SEMA4A: variants seen among roughly 807,000 people sequenced by gnomAD.
SEMA4A encodes the protein semaphorin-4A.
A neutral mutation model predicts 72.5 loss-of-function variants in SEMA4A; 52 were observed. The ratio of observed to expected loss-of-function variants is 0.72; its 90% CI spans 0.57 to 0.90. The LOEUF (loss-of-function observed/expected upper bound fraction) is 0.90, where lower values mean the gene tolerates loss of function less well. Ranked by LOEUF, SEMA4A falls within the 40% of genes least tolerant of loss-of-function variation. SEMA4A has a pLI of 0.00. For synonymous variants in SEMA4A, 369 were observed against 393.1 expected, an observed-to-expected ratio of 0.94 and a Z score of 0.73; for missense variants, 926 against 959.7, an observed-to-expected ratio of 0.96 and a Z score of 0.46.
At chr1:156,151,464 C>A (rs1652525217), upstream of SEMA4A, among the ~76,000 whole-genome samples, 1 of 152,198 alleles carries the variant, frequency 6.6e-6, no homozygotes, top group Non-Finnish European at 1.5e-5. Flanking sequence ...GGGGGTGGTA[C>A]CTCACAGCCT....
intron 10 of SEMA4A, among the ~76,000 whole-genome samples, chr1:156,172,412 A>C (rs997047408): frequency 6.6e-6 from 1 of 152,248 alleles, no homozygotes; most frequent in Admixed American, 6.5e-5. Flanking sequence ...CACTGCGCCC[A>C]GCCATAAAAC....
intron 8 of SEMA4A, 156 bp downstream of exon 8, chr1:156,161,185 C>A (rs1184978821): frequency 9.6e-6 from 3 of 312,148 alleles, no homozygotes; most frequent in Admixed American, 7.2e-5. Flanking sequence ...CGGGGCTGGG[C>A]GGGTGGGGCG....
rs765918538 is a variant in SEMA4A, at chr1:156,174,818, A to G, written c.1316-4A>G. 1.2e-6 allele frequency: 2 copies of G among 1,614,200 alleles called. No individual in the cohort carries two copies. Among genetic ancestry groups the G allele is most frequent in the Admixed American group, 1.7e-5 (1 of 60,026 alleles). On this transcript the variant is annotated splice_region_variant and splice_polypyrimidine_tract_variant and intron_variant, in intron 11 of 14. Transcript: ENST00000368285. Reference sequence around the variant, plus strand: ...TGACTTCCACTCTCTCTGTCTCCCCATAGCCACAGGGTCGCTCCACAAGGC... The same window carrying G: ...TGACTTCCACTCTCTCTGTCTCCCCGTAGCCACAGGGTCGCTCCACAAGGC...
At chr1:156,155,076 C>A (rs1446370433) in intron 2 of SEMA4A, 4 of 328,700 alleles carry the variant, frequency 1.2e-5, no homozygotes, top group Non-Finnish European at 1.2e-5. Context: ...ACCCCAAAGT[C>A]AAGGCCCATG....
At chr1:156,156,674 T>TACAG in intron 3 of SEMA4A, 100 bp downstream of exon 3, 6 of 1,143,354 alleles carry the variant, frequency 5.2e-6, no homozygotes, top group Non-Finnish European at 7.8e-6. Flanking sequence ...TAGTTGCTGT[T>TACAG]ATCTGTAATC....
chr1:156,163,014 G>A lies in SEMA4A; in HGVS notation c.1054G>A (p.Gly352Arg). The part of the protein sequence containing the change: ...SLLDIERVFK[G>R]KYKELNKETS... The stretch of plus-strand genomic sequence containing the variant: ...CTTGGACATTGAACGTGTCTTTAAG[G>A]GGAAATACAAAGAGTTGAACAAAGA... The change falls in exon 10 of 15, where the codon GGG becomes AGG. Residue 352 changes from glycine (G) to arginine (R), a missense_variant. By Grantham distance (125) the Gly-to-Arg change is moderately radical. Transcript: ENST00000368285. The A allele has an allele frequency of 6.2e-7, 1 of 1,614,134 alleles. No homozygotes were observed. The highest frequency in any genetic ancestry group is 8.5e-7 in the Non-Finnish European group (1 of 1,180,026).
At position 156,163,030 on chromosome 1, in the gene SEMA4A, T is replaced by C. The variant is rs534529397; in HGVS notation, c.1070T>C (p.Leu357Ser). 2 of 1,614,130 alleles carry C rather than the reference T, an allele frequency of 1.2e-6. No homozygotes were observed. The highest frequency in any genetic ancestry group is 2.2e-5 in the East Asian group (1 of 44,880). Residue 357 changes from leucine to serine, a missense_variant, in exon 10 of 15, where the codon TTG becomes TCG. Physicochemically the swap from Leu to Ser is moderately radical, Grantham distance 145. Coordinates refer to ENST00000368285, the MANE Select transcript of SEMA4A (RefSeq NM_022367.4). Reference protein sequence around the residue: ...ERVFKGKYKELNKETSRWTTY... With the variant: ...ERVFKGKYKESNKETSRWTTY... ...GTCTTTAAGGGGAAATACAAAGAGT[T>C]GAACAAAGAAACTTCACGCTGGACT...
At position 156,156,416 on chromosome 1, in the gene SEMA4A, G is replaced by A; in HGVS notation, c.142G>A (p.Asp48Asn). The change falls in exon 3 of 15, where the codon GAT becomes AAT. Residue 48 changes from aspartate (D) to asparagine (N), a missense_variant and splice_region_variant. Transcript: ENST00000368285. ...PMPRVRYYAG[D>N]ERRALSFFHQ... ...TCTCTGTCTTACTCCTCCAACAGGGGATGAACGTAGGGCACTTAGCTTCTT... is the reference window on the plus strand; with the variant it reads ...TCTCTGTCTTACTCCTCCAACAGGGAATGAACGTAGGGCACTTAGCTTCTT... The A allele has an allele frequency of 1.9e-6, 3 of 1,614,058 alleles. No individual in the cohort carries two copies. Among genetic ancestry groups the A allele is most frequent in the Non-Finnish European group, 2.5e-6 (3 of 1,179,940 alleles).
At chr1:156,161,311 C>A in intron 8 of SEMA4A, 35 bp from the exon 9 acceptor site, 1 of 683,490 alleles carries the variant, frequency 1.5e-6, no homozygotes, top group South Asian at 2.1e-5. Context: ...GGTCGGGGCG[C>A]CCGGGGCGCC....
At chr1:156,161,281 G>T in intron 8 of SEMA4A, 65 bp from the exon 9 acceptor site, 18 of 1,100,664 alleles carry the variant, frequency 1.6e-5, no homozygotes, top group Non-Finnish European at 2.3e-5. Context: ...GGGGGGCGGG[G>T]AGGACACGCG....
At chr1:156,163,261 C>A in intron 10 of SEMA4A, 167 bp downstream of exon 10, 1 of 730,146 alleles carries the variant, frequency 1.4e-6, no homozygotes, top group Non-Finnish European at 2.3e-6. Context: ...CCACATGTGC[C>A]TAGCACCCTT....
Position 156,175,104 on chromosome 1 carries a change from T to G in SEMA4A, c.1453T>G (p.Phe485Val). The change falls in exon 13 of 15, where the codon TTC becomes GTC. Residue 485 changes from phenylalanine (F) to valine (V), a missense_variant. Physicochemically the swap from Phe to Val is conservative, Grantham distance 50 (BLOSUM62 -1). Transcript: ENST00000368285. ...APTQGAVFVG[F>V]SGGVWRVPRA... ...CTTCCAGGGTGCAGTGTTTGTAGGC[T>G]TCTCAGGAGGTGTCTGGAGGGTGCC... 1.9e-6 allele frequency: 3 copies of G among 1,614,184 alleles called. No homozygotes were observed. Among genetic ancestry groups the G allele is most frequent in the Non-Finnish European group, 2.5e-6 (3 of 1,180,018 alleles).
At chr1:156,175,346 A>G (rs1655213119) in intron 13 of SEMA4A, 103 bp downstream of exon 13, 2 of 1,387,114 alleles carry the variant, frequency 1.4e-6, no homozygotes, top group Admixed American at 3.6e-5. Context: ...TGACATATTC[A>G]CTCCAAGAGT....
chr1:156,162,947 G>A lies in SEMA4A; in HGVS notation c.987G>A (p.Gln329=). The change falls in exon 10 of 15, where the codon CAG becomes CAA. Residue 329 remains glutamine (Q), a synonymous_variant. Transcript: ENST00000368285. ...TGTTCCCTCTGGCTGTCTCCAGGCA[G>A]GTTGGCGGGACCAGGAGCTCTGCGG... ...HIYAVFTSQW[Q]VGGTRSSAVC... is the part of the protein sequence containing the mutation. 1 of 1,613,680 alleles carries A rather than the reference G, an allele frequency of 6.2e-7. No individual in the cohort carries two copies. Among genetic ancestry groups the A allele is most frequent in the Non-Finnish European group, 8.5e-7 (1 of 1,180,026 alleles).
At chr1:156,150,983 C>T (rs901035144), upstream of SEMA4A, among the ~76,000 whole-genome samples, 1 of 152,122 alleles carries the variant, frequency 6.6e-6, no homozygotes, top group Non-Finnish European at 1.5e-5. Context: ...GAACATCTGA[C>T]CCCTTCCCAC....
In SEMA4A at chr1:156,158,105, A is replaced by T. The variant is rs1237380439; in HGVS notation, c.336A>T (p.Glu112Asp). Residue 112 changes from glutamate to aspartate, a missense_variant, in exon 4 of 15, where the codon GAA (glutamate) becomes GAT (aspartate). Physicochemically the swap from Glu to Asp is conservative, Grantham distance 45. Transcript: ENST00000368285. ...CAGCCAGTGACAGAAAAAAGAGTGAATGTGCCTTTAAGAAGAAGAGCAATG... is the reference window on the plus strand; with the variant it reads ...CAGCCAGTGACAGAAAAAAGAGTGATTGTGCCTTTAAGAAGAAGAGCAATG... ...PWPASDRKKS[E>D]CAFKKKSNET... 6.2e-7 allele frequency: 1 copy of T among 1,614,178 alleles called. No homozygotes were observed.
chr1:156,158,737 C>T lies in SEMA4A; in HGVS notation c.481C>T (p.Leu161=). ...CATTTAGGAACTTCAAGATTCCTAC[C>T]TGTTGCCCATCTCGGAGGACAAGGT... ...CTFIELQDSY[L]LPISEDKVME... is the part of the protein sequence containing the mutation. Residue 161 remains leucine (L), a synonymous_variant, in exon 6 of 15, where the codon CTG becomes TTG. Coordinates refer to ENST00000368285, the MANE Select transcript of SEMA4A (RefSeq NM_022367.4). The T allele has an allele frequency of 6.2e-7, 1 of 1,614,032 alleles. No homozygotes were observed. The highest frequency in any genetic ancestry group is 1.7e-5 in the Admixed American group (1 of 60,010).
intron 9 of SEMA4A, among the ~76,000 whole-genome samples, chr1:156,161,980 C>T (rs535362834): frequency 6.6e-6 from 1 of 152,208 alleles, no homozygotes; most frequent in South Asian, 2.1e-4. Flanking sequence ...AAAATAAAGT[C>T]GGCCGGGTGC....
At chr1:156,162,871 G>A in intron 9 of SEMA4A, 73 bp from the exon 10 acceptor site, 1 of 1,594,120 alleles carries the variant, frequency 6.3e-7, no homozygotes, top group South Asian at 1.1e-5. Flanking sequence ...TTTTCTCACT[G>A]AGGGCCAGCG....
Sources: gnomAD v4.1 joint callset for allele counts (sites outside exome capture counted in the v4.1 genomes callset) on GRCh38, gnomAD v4.1.1 for gene constraint, MANE v1.5 for transcripts, NCBI Gene and HGNC (gene_info 2026-07-23, HGNC 2026-07-21) for gene names.